The following BMAL1 variants were observed in gnomAD, a reference collection of about 807,000 sequenced individuals.
BMAL1 encodes basic helix-loop-helix ARNT like 1.
At chr11:13,310,622 C>CT in the BMAL1 span, among the ~76,000 whole-genome samples, 1 of 152,172 alleles carries the variant, frequency 6.6e-6, no homozygotes, top group African/African-American at 2.4e-5. Context: ...GCTGTGGTAA[C>CT]ATGCAAGCAG....
chr11:13,351,445 G>A, the BMAL1 span, among the ~76,000 whole-genome samples: 9 of 152,308 alleles, frequency 5.9e-5, no homozygotes, highest in Admixed American at 2.0e-4. Flanking sequence ...AAGTGAGGAC[G>A]TCAGGGAGGT....
At chr11:13,368,075 G>C in the BMAL1 span, among the ~76,000 whole-genome samples, 1 of 152,206 alleles carries the variant, frequency 6.6e-6, no homozygotes, top group Non-Finnish European at 1.5e-5. Flanking sequence ...TTTGGTATCT[G>C]TTGTTCTTTA....
the BMAL1 span, among the ~76,000 whole-genome samples, chr11:13,348,992 G>A: frequency 6.6e-6 from 1 of 152,330 alleles, no homozygotes; most frequent in East Asian, 1.9e-4. Flanking sequence ...GCAGTGCAGG[G>A]ATGGATTAGG....
At chr11:13,330,647 C>T in the BMAL1 span, among the ~76,000 whole-genome samples, 1 of 152,160 alleles carries the variant, frequency 6.6e-6, no homozygotes, top group Non-Finnish European at 1.5e-5. Flanking sequence ...AAAGTTCTTC[C>T]CTGTCTAAAT....
chr11:13,284,158 ATGTGTG>A, the BMAL1 span, among the ~76,000 whole-genome samples: 16 of 41,088 alleles, frequency 3.9e-4, 2 homozygotes, highest in Non-Finnish European at 5.5e-4. Flanking sequence ...ATATATATAT[ATGTGTG>A]TATATATATA....
the BMAL1 span, among the ~76,000 whole-genome samples, chr11:13,344,401 A>G: frequency 6.6e-6 from 1 of 152,214 alleles, no homozygotes; most frequent in African/African-American, 2.4e-5. Flanking sequence ...AGGGCAGTGC[A>G]TTGCTTGTAC....
the BMAL1 span, among the ~76,000 whole-genome samples, chr11:13,289,378 GTTTA>G: frequency 1.3e-5 from 2 of 151,990 alleles, no homozygotes; most frequent in African/African-American, 2.4e-5. Flanking sequence ...CATGTTTTTT[GTTTA>G]TTTGTTTGTT....
At chr11:13,351,325 G>A in the BMAL1 span, among the ~76,000 whole-genome samples, 4 of 152,224 alleles carry the variant, frequency 2.6e-5, no homozygotes, top group Non-Finnish European at 4.4e-5. Flanking sequence ...TGGCTTCTAG[G>A]TTTGGGGCCT....
At chr11:13,281,476 G>A in the BMAL1 span, among the ~76,000 whole-genome samples, 1 of 152,090 alleles carries the variant, frequency 6.6e-6, no homozygotes, top group Non-Finnish European at 1.5e-5. Context: ...GGGCCCATCT[G>A]CCCATCCTTA....
chr11:13,341,528 A>G, the BMAL1 span, among the ~76,000 whole-genome samples: 4 of 152,200 alleles, frequency 2.6e-5, no homozygotes, highest in Admixed American at 2.6e-4. Flanking sequence ...CCTAGCCAGA[A>G]ACACAAGCAC....
At chr11:13,324,022 A>G in the BMAL1 span, among the ~76,000 whole-genome samples, 7 of 152,364 alleles carry the variant, frequency 4.6e-5, no homozygotes, top group South Asian at 1.2e-3. Flanking sequence ...AATAATTAAC[A>G]TATCTGTCAT....
the BMAL1 span, chr11:13,375,581 A>G: frequency 9.5e-5 from 145 of 1,528,878 alleles, no homozygotes; most frequent in African/African-American, 6.3e-4. Flanking sequence ...CTGAGAAAAC[A>G]ACAATGTCCA....
chr11:13,327,323 A>C, the BMAL1 span, among the ~76,000 whole-genome samples: 1 of 152,240 alleles, frequency 6.6e-6, no homozygotes. Flanking sequence ...TGCGCCGGAC[A>C]TTGTGCTGTC....
chr11:13,369,680 C>T, the BMAL1 span: 2 of 1,614,162 alleles, frequency 1.2e-6, no homozygotes, highest in Non-Finnish European at 1.7e-6. Flanking sequence ...TGGAGCACGA[C>T]GTTCTTTCTT....
At chr11:13,352,057 G>A in the BMAL1 span, among the ~76,000 whole-genome samples, 2 of 152,136 alleles carry the variant, frequency 1.3e-5, no homozygotes, top group Admixed American at 1.3e-4. Flanking sequence ...TGAGGGTTCT[G>A]AAATGGTGGT....
At chr11:13,362,617 A>G in the BMAL1 span, among the ~76,000 whole-genome samples, 1 of 152,060 alleles carries the variant, frequency 6.6e-6, no homozygotes, top group African/African-American at 2.4e-5. Context: ...AGTGAGTGAT[A>G]GTCTTTTGGC....
the BMAL1 span, among the ~76,000 whole-genome samples, chr11:13,328,944 G>A: frequency 1.3e-5 from 2 of 152,074 alleles, no homozygotes; most frequent in African/African-American, 2.4e-5. Flanking sequence ...ACTGCTGTAG[G>A]GATTGAAGGA....
At chr11:13,376,450 G>C in the BMAL1 span, 9 of 640,624 alleles carry the variant, frequency 1.4e-5, no homozygotes, top group Admixed American at 9.3e-5. Context: ...TAGGCAGGCA[G>C]TGGGGCCAAA....
At chr11:13,303,682 T>G in the BMAL1 span, among the ~76,000 whole-genome samples, 2 of 152,322 alleles carry the variant, frequency 1.3e-5, no homozygotes, top group East Asian at 3.9e-4. Context: ...TGGTTTCCTT[T>G]GCATTCAAAT....
Sources: allele counts gnomAD v4.1 joint callset (sites outside exome capture counted in the v4.1 genomes callset), GRCh38; gene constraint gnomAD v4.1.1; transcripts MANE v1.5; gene names NCBI Gene and HGNC (gene_info 2026-07-23, HGNC 2026-07-21).